TGM2: variants seen among roughly 807,000 people sequenced by gnomAD.
TGM2 encodes the protein protein-glutamine gamma-glutamyltransferase 2.
TGM2 carries 53 observed loss-of-function variants against 75.6 expected under a neutral mutation model. That is an observed-to-expected ratio of 0.70 (90% CI 0.56 to 0.88). The LOEUF is 0.88. Ranked by LOEUF, TGM2 falls within the 40% of genes least tolerant of loss-of-function variation. The pLI is 0.00. For missense variants in TGM2, 842 were observed against 928.5 expected (o/e 0.91, Z 1.21); for synonymous variants, 374 against 381.1 (o/e 0.98, Z 0.22).
At chr20:38,142,412 A>G (rs1456674714) in intron 6 of TGM2, among the ~76,000 whole-genome samples, 2 of 151,942 alleles carry the variant, frequency 1.3e-5, no homozygotes, top group African/African-American at 4.8e-5. Flanking sequence ...CCAGAAGGAG[A>G]CTCTAAAATA....
upstream of TGM2, among the ~76,000 whole-genome samples, chr20:38,167,554 G>T (rs2075321216): frequency 6.6e-6 from 1 of 152,072 alleles, no homozygotes; most frequent in South Asian, 2.1e-4. Flanking sequence ...GCCCAGGCTG[G>T]TCTCAAACTC....
At chr20:38,131,040 C>T (rs1406975007) in intron 12 of TGM2, 53 bp downstream of exon 12, 16 of 1,606,004 alleles carry the variant, frequency 1.0e-5, no homozygotes, top group Non-Finnish European at 1.4e-5. Context: ...TCTACCCCCA[C>T]CGGCATCTGC....
Position 38,139,798 on chromosome 20 carries a change from C to T in TGM2, c.1100-144G>A, listed in dbSNP as rs1412358924. Reference sequence around the variant, plus strand: ...CGGAAGGACTCCACTTCCAGGAGGGCACCACAGGGCAAGGGTTCAGAATAG... The same window carrying T: ...CGGAAGGACTCCACTTCCAGGAGGGTACCACAGGGCAAGGGTTCAGAATAG... On this transcript the variant is annotated intron_variant, in intron 8 of 12. Coordinates refer to ENST00000361475, the MANE Select transcript of TGM2 (RefSeq NM_004613.4). 8 of 1,082,886 alleles carry T rather than the reference C, an allele frequency of 7.4e-6. No homozygotes were observed. In the East Asian group the frequency reaches 1.8e-4, roughly 25 times the overall value. The allele number at this position is 1,082,886 out of a possible 1,614,324, so 67.1% of individuals were successfully genotyped here.
rs578123158 is a variant in TGM2, at chr20:38,165,206, C to G, written c.-8G>C. On this transcript the variant is annotated 5_prime_UTR_variant, in exon 1 of 13. Transcript: ENST00000361475. ...ATACTCACCCTCGGCCATGGTCGGG[C>G]GGGGGCGGTGGCTCCTTCCACTGGC... 3 of 1,613,130 alleles carry G rather than the reference C, an allele frequency of 1.9e-6. No individual in the cohort carries two copies. Among genetic ancestry groups the G allele is most frequent in the Non-Finnish European group, 1.7e-6 (2 of 1,179,894 alleles).
At position 38,163,095 on chromosome 20, in the gene TGM2, G is replaced by A. The variant is rs189960620; in HGVS notation, c.11-1496C>T. 2.7e-3 allele frequency among the ~76,000 whole-genome samples: 407 copies of A among 152,324 alleles called. 1 individual carries two copies. The highest frequency in any genetic ancestry group is 9.2e-3 in the African/African-American group (382 of 41,558). Reference sequence around the variant, plus strand: ...CCAGCCCAGGACAGAAGCTTGATACGTGAAAGTTCCATTTACAGTTTCAGA... The same window carrying A: ...CCAGCCCAGGACAGAAGCTTGATACATGAAAGTTCCATTTACAGTTTCAGA... On this transcript the variant is annotated intron_variant, in intron 1 of 12. Transcript: ENST00000361475.
At position 38,136,857 on chromosome 20, in the gene TGM2, T is replaced by A. The variant is rs45521738; in HGVS notation, c.1615+1256A>T. Reference sequence around the variant, plus strand: ...AGTGGCCACGGCTCCTCTGAGGGCCTCAAGCTTATATTTAGGAAGATAACC... The same window carrying A: ...AGTGGCCACGGCTCCTCTGAGGGCCACAAGCTTATATTTAGGAAGATAACC... On this transcript the variant is annotated intron_variant, in intron 10 of 12. Coordinates refer to ENST00000361475, the MANE Select transcript of TGM2 (RefSeq NM_004613.4). Among the ~76,000 whole-genome samples the A allele has an allele frequency of 8.9e-3, 1,352 of 152,238 alleles. 13 individuals are homozygous for A. The highest frequency in any genetic ancestry group is 0.012 in the Non-Finnish European group (785 of 68,004).
intron 7 of TGM2, 125 bp downstream of exon 7, chr20:38,141,939 G>T: frequency 8.3e-7 from 1 of 1,208,724 alleles, no homozygotes; most frequent in East Asian, 2.4e-5. Flanking sequence ...CCCCAAGCCT[G>T]CTCAAATACT....
rs191236574 is a variant in TGM2, at chr20:38,146,788, C to A, written c.788G>T (p.Arg263Leu). The change falls in exon 6 of 13, where the codon CGC becomes CTC. Residue 263 changes from arginine to leucine, a missense_variant. By Grantham distance (102) the Arg-to-Leu change is moderately radical. Transcript: ENST00000361475. ...GCGCTGGCAGCCGTGGTTCTTCCAG[C>A]GCCGCAGGATGTCCACGCTGCCGAT... ...SWIGSVDILR[R>L]WKNHGCQRVK... is the part of the protein sequence containing the mutation. The A allele has an allele frequency of 1.9e-6, 3 of 1,613,820 alleles. No homozygotes were observed. The African/African-American group carries it at 4.0e-5, about 22-fold the overall frequency.
rs200013031 is a variant in TGM2 at position 38,139,463 on chromosome 20, C to T, written c.1291G>A (p.Val431Met). ...ATATCCTCCCGCTCGTCTCGGCCCA[C>T]GCTCTTAGTGCTGATCTTCAGCCCA... Reference protein sequence around the residue: ...IVGLKISTKSVGRDEREDITH... With the variant: ...IVGLKISTKSMGRDEREDITH... Residue 431 changes from valine (V) to methionine (M), a missense_variant, in exon 9 of 13, where the codon GTG (valine) becomes ATG (methionine). Physicochemically the swap from Val to Met is conservative, Grantham distance 21 (BLOSUM62 1). Transcript: ENST00000361475. 18 of 1,614,196 alleles carry T rather than the reference C, an allele frequency of 1.1e-5. No homozygotes were observed. Among genetic ancestry groups the T allele is most frequent in the Middle Eastern group, 1.6e-4 (1 of 6,062 alleles).
intron 1 of TGM2, 138 bp from the exon 2 acceptor site, chr20:38,161,737 C>A: frequency 9.9e-7 from 1 of 1,015,008 alleles, no homozygotes; most frequent in Non-Finnish European, 1.5e-6. Flanking sequence ...ACTGACCTGT[C>A]TCCCCAGCCC....
In TGM2 at chr20:38,146,839, C is replaced by A; in HGVS notation, c.737G>T (p.Gly246Val). 6.2e-7 allele frequency: 1 copy of A among 1,614,112 alleles called. No individual in the cohort carries two copies. Among genetic ancestry groups the A allele is most frequent in the Non-Finnish European group, 8.5e-7 (1 of 1,180,042 alleles). Residue 246 changes from glycine (G) to valine (V), a missense_variant, in exon 6 of 13, where the codon GGG becomes GTG. Coordinates refer to ENST00000361475, the MANE Select transcript of TGM2 (RefSeq NM_004613.4). Reference protein sequence around the residue: ...VLLGRWDNNYGDGVSPMSWIG... With the variant: ...VLLGRWDNNYVDGVSPMSWIG... The stretch of plus-strand genomic sequence containing the variant: ...CCAGGACATGGGGCTGACGCCGTCC[C>A]CGTAGTTGTTGTCCCAGCGTCCCAG...
intron 5 of TGM2, 34 bp from the exon 6 acceptor site, chr20:38,146,928 TG>T (rs2075054004): frequency 6.2e-7 from 1 of 1,604,064 alleles, no homozygotes. Context: ...GGACTGAGCC[TG>T]GGATGGGGTG....
At chr20:38,154,591 T>A (rs1170729126) in intron 3 of TGM2, among the ~76,000 whole-genome samples, 1 of 152,130 alleles carries the variant, frequency 6.6e-6, no homozygotes, top group Non-Finnish European at 1.5e-5. Flanking sequence ...TCAAAGAGAT[T>A]CCAAAGGCCA....
At chr20:38,156,562 C>T (rs2075190246) in intron 2 of TGM2, among the ~76,000 whole-genome samples, 1 of 152,246 alleles carries the variant, frequency 6.6e-6, no homozygotes, top group Admixed American at 6.5e-5. Context: ...GAAGGAAGCC[C>T]AGACGCTGAG....
Position 38,139,529 on chromosome 20 carries a change from C to A in TGM2, c.1225G>T (p.Asp409Tyr), listed in dbSNP as rs368135396. ...ADVVDWIQQD[D>Y]GSVHKSINRS... Reference sequence around the variant, plus strand: ...TTGATGGATTTGTGCACAGACCCATCGTCCTGCTGGATCCAGTCTACCACG... The same window carrying A: ...TTGATGGATTTGTGCACAGACCCATAGTCCTGCTGGATCCAGTCTACCACG... Residue 409 changes from aspartate (D) to tyrosine (Y), a missense_variant, in exon 9 of 13, where the codon GAT (aspartate) becomes TAT (tyrosine). By Grantham distance (160) the Asp-to-Tyr change is radical (BLOSUM62 -3). Transcript: ENST00000361475. 6.2e-7 allele frequency: 1 copy of A among 1,614,088 alleles called. No individual in the cohort carries two copies. Among genetic ancestry groups the A allele is most frequent in the Non-Finnish European group, 8.5e-7 (1 of 1,180,044 alleles).
At chr20:38,140,957 C>T (rs1221743225) in intron 8 of TGM2, among the ~76,000 whole-genome samples, 2 of 152,032 alleles carry the variant, frequency 1.3e-5, no homozygotes, top group African/African-American at 4.8e-5. Flanking sequence ...ACATATACAC[C>T]CGCATACAAA....
intron 5 of TGM2, 69 bp downstream of exon 5, chr20:38,147,892 C>A: frequency 6.4e-7 from 1 of 1,562,272 alleles, no homozygotes; most frequent in Non-Finnish European, 8.7e-7. Flanking sequence ...TGTGTCTCCA[C>A]TGCGAGGGAG....
intron 12 of TGM2, 34 bp downstream of exon 12, chr20:38,131,059 C>G (rs1468305331): frequency 1.2e-6 from 2 of 1,609,352 alleles, no homozygotes; most frequent in Non-Finnish European, 1.7e-6. Context: ...GCCCGCTTCC[C>G]CCAGGCCCCA....
chr20:38,143,396 G>T (rs1469013875), intron 6 of TGM2, among the ~76,000 whole-genome samples: 1 of 152,218 alleles, frequency 6.6e-6, no homozygotes, highest in East Asian at 1.9e-4. Flanking sequence ...GATGCACGTG[G>T]CCCTATAAAT....
Sources: allele counts gnomAD v4.1 joint callset (sites outside exome capture counted in the v4.1 genomes callset), GRCh38; gene constraint gnomAD v4.1.1; transcripts MANE v1.5; gene names NCBI Gene and HGNC (gene_info 2026-07-23, HGNC 2026-07-21).